CSMD1: variants seen among roughly 807,000 people sequenced by gnomAD.
CSMD1 encodes the protein CUB and Sushi multiple domains 1, also known as CUB and sushi domain-containing protein 1.
A neutral mutation model predicts 417.5 loss-of-function variants in CSMD1; 213 were observed. That is an observed-to-expected ratio of 0.51 (90% CI 0.46 to 0.57). The LOEUF is 0.57. Among genes scored for constraint, CSMD1 ranks in the 20% least tolerant of loss-of-function variants. The probability of loss-of-function intolerance (pLI) is 0.00; values close to 1 mark genes in which losing one functional copy is unlikely to be tolerated. For missense variants in CSMD1, 6,923 were observed against 4,529.7 expected (o/e 1.53, Z -15.17); for synonymous variants, 2,862 against 1,736.8 (o/e 1.65, Z -16.11).
intron 2 of CSMD1, among the ~76,000 whole-genome samples, chr8:4,609,544 T>A (rs543816406): frequency 5.9e-5 from 9 of 152,338 alleles, no homozygotes; most frequent in Admixed American, 5.9e-4. Flanking sequence ...TTTATTGTAC[T>A]AAACACTTTA....
At chr8:3,363,809 C>A (rs1004606395) in intron 20 of CSMD1, among the ~76,000 whole-genome samples, 1 of 152,138 alleles carries the variant, frequency 6.6e-6, no homozygotes, top group Admixed American at 6.5e-5. Context: ...GAAGTAGACA[C>A]GTCGTAGCGA....
At chr8:3,196,864 A>G (rs1796734052) in intron 33 of CSMD1, among the ~76,000 whole-genome samples, 1 of 152,172 alleles carries the variant, frequency 6.6e-6, no homozygotes, top group Non-Finnish European at 1.5e-5. Context: ...ACGGCACGAA[A>G]CTAAAGATAA....
chr8:4,161,163 G>A (rs1038110802), intron 3 of CSMD1, among the ~76,000 whole-genome samples: 1 of 151,090 alleles, frequency 6.6e-6, no homozygotes, highest in African/African-American at 2.4e-5. Flanking sequence ...TAAAAGTTCA[G>A]AAGGATGAAG....
chr8:3,756,855 G>C (rs538990797), intron 5 of CSMD1, among the ~76,000 whole-genome samples: 4 of 152,036 alleles, frequency 2.6e-5, no homozygotes, highest in South Asian at 4.1e-4. Flanking sequence ...GAGTGCAGTG[G>C]TGCAATCACA....
chr8:4,778,812 G>C (rs143244323), intron 1 of CSMD1, among the ~76,000 whole-genome samples: 34 of 152,318 alleles, frequency 2.2e-4, no homozygotes, highest in Admixed American at 1.9e-3. Context: ...GCTTAGAATA[G>C]CAGATGAGAT....
intron 2 of CSMD1, among the ~76,000 whole-genome samples, chr8:4,597,008 C>T (rs1486092553): frequency 6.6e-6 from 1 of 152,162 alleles, no homozygotes; most frequent in East Asian, 1.9e-4. Context: ...ATTCTGAGGC[C>T]TCCCAGCCAT....
intron 2 of CSMD1, among the ~76,000 whole-genome samples, chr8:4,521,977 C>T (rs1803476471): frequency 6.6e-6 from 1 of 152,108 alleles, no homozygotes; most frequent in Admixed American, 6.6e-5. Context: ...CTTTTTGTAT[C>T]CTAGTTTTTA....
intron 7 of CSMD1, among the ~76,000 whole-genome samples, chr8:3,650,661 A>C (rs1260576529): frequency 2.6e-5 from 4 of 152,236 alleles, no homozygotes; most frequent in East Asian, 3.9e-4. Context: ...CCATCACGCT[A>C]TGAGAACTGT....
intron 12 of CSMD1, among the ~76,000 whole-genome samples, chr8:3,444,297 A>C (rs1815168025): frequency 6.6e-6 from 1 of 152,232 alleles, no homozygotes; most frequent in South Asian, 2.1e-4. Flanking sequence ...GATGGCAAAG[A>C]AGCTATCATC....
At chr8:4,923,284 C>G (rs961569666) in intron 1 of CSMD1, among the ~76,000 whole-genome samples, 1 of 152,182 alleles carries the variant, frequency 6.6e-6, no homozygotes, top group African/African-American at 2.4e-5. Context: ...ACTCATGCCT[C>G]ATCCTCAAAG....
intron 3 of CSMD1, among the ~76,000 whole-genome samples, chr8:4,345,982 G>C (rs114504339): frequency 2.0e-5 from 3 of 152,100 alleles, no homozygotes; most frequent in African/African-American, 7.2e-5. Flanking sequence ...ATATCATTTG[G>C]AATTTCAGTA....
chr8:4,722,400 T>C (rs1809117408), intron 1 of CSMD1, among the ~76,000 whole-genome samples: 2 of 152,184 alleles, frequency 1.3e-5, no homozygotes, highest in Non-Finnish European at 2.9e-5. Context: ...CCCAATGCTG[T>C]GTATCTCTTG....
At chr8:4,626,171 C>T (rs1802098485) in intron 2 of CSMD1, among the ~76,000 whole-genome samples, 1 of 152,124 alleles carries the variant, frequency 6.6e-6, no homozygotes, top group East Asian at 1.9e-4. Context: ...AAGTTTTCAG[C>T]AGGCCAAGGT....
At chr8:4,596,924 G>C (rs1305644186) in intron 2 of CSMD1, among the ~76,000 whole-genome samples, 1 of 152,122 alleles carries the variant, frequency 6.6e-6, no homozygotes, top group Non-Finnish European at 1.5e-5. Context: ...GTTTATCAGG[G>C]GTTTCCGCTT....
intron 2 of CSMD1, among the ~76,000 whole-genome samples, chr8:4,505,796 C>A (rs908108973): frequency 6.6e-6 from 1 of 151,684 alleles, no homozygotes; most frequent in African/African-American, 2.4e-5. Context: ...GTTCCACACT[C>A]ATGTTCAATA....
intron 12 of CSMD1, among the ~76,000 whole-genome samples, chr8:3,433,987 A>G (rs562027941): frequency 6.6e-6 from 1 of 152,218 alleles, no homozygotes; most frequent in Non-Finnish European, 1.5e-5. Context: ...ATTTCCTTTT[A>G]GGTGGCAAAG....
At chr8:3,858,077 T>C (rs1249964145) in intron 5 of CSMD1, among the ~76,000 whole-genome samples, 3 of 152,220 alleles carry the variant, frequency 2.0e-5, no homozygotes, top group South Asian at 2.1e-4. Context: ...AGATAGCAAT[T>C]TGTGACTGTC....
chr8:3,394,863 C>A (rs552674611), intron 17 of CSMD1, among the ~76,000 whole-genome samples: 2 of 152,026 alleles, frequency 1.3e-5, no homozygotes, highest in Admixed American at 6.6e-5. Context: ...AGAGTAATAA[C>A]TGAATTAAAT....
At chr8:3,522,992 T>C (rs1489259847) in intron 10 of CSMD1, among the ~76,000 whole-genome samples, 1 of 142,200 alleles carries the variant, frequency 7.0e-6, no homozygotes, top group African/African-American at 2.7e-5. Flanking sequence ...ACATACAAAA[T>C]GGAGATACAT....
Sources: gnomAD v4.1 joint callset for allele counts (sites outside exome capture counted in the v4.1 genomes callset) on GRCh38, gnomAD v4.1.1 for gene constraint, MANE v1.5 for transcripts, NCBI Gene and HGNC (gene_info 2026-07-23, HGNC 2026-07-21) for gene names.